The following IGF1R variants were observed in gnomAD, a reference collection of about 807,000 sequenced individuals.
IGF1R encodes the protein insulin like growth factor 1 receptor, also known as insulin-like growth factor 1 receptor.
Under a neutral mutation model 144.6 loss-of-function variants are expected in IGF1R, and 44 were observed. That is an observed-to-expected ratio of 0.30 (90% CI 0.24 to 0.39). The LOEUF (loss-of-function observed/expected upper bound fraction) is 0.39. IGF1R is among the 10% of genes least tolerant of loss of function. The pLI, the probability that IGF1R is intolerant of heterozygous loss-of-function variation, is 1.00. For missense variants in IGF1R, 1,355 were observed against 1,833.7 expected, an observed-to-expected ratio of 0.74 and a Z score of 4.77; for synonymous variants, 795 against 722.8, an observed-to-expected ratio of 1.10 and a Z score of -1.60.
chr15:98,810,861 C>T (rs185210571), intron 2 of IGF1R, among the ~76,000 whole-genome samples: 1 of 150,578 alleles, frequency 6.6e-6, no homozygotes, highest in East Asian at 2.0e-4. Flanking sequence ...AAATGATTTT[C>T]TTAAGTGTAA....
chr15:98,916,620 T>G, intron 9 of IGF1R, 52 bp from the exon 10 acceptor site: 1 of 1,459,230 alleles, frequency 6.9e-7, no homozygotes, highest in Non-Finnish European at 9.6e-7. Flanking sequence ...CTTACAAGCA[T>G]GTATAACGGC....
At chr15:98,916,259 TG>T in intron 9 of IGF1R, 128 bp downstream of exon 9, 5 of 778,566 alleles carry the variant, frequency 6.4e-6, no homozygotes, top group Non-Finnish European at 9.9e-6. Flanking sequence ...AGCTATCTTC[TG>T]GTTTTTTTTT....
chr15:98,958,008 C>T lies in IGF1R; in HGVS notation c.*566C>T, dbSNP rs149544474. 292 of 234,312 alleles carry T rather than the reference C, an allele frequency of 1.2e-3. No homozygotes were observed. The highest frequency in any genetic ancestry group is 5.8e-3 in the African/African-American group (262 of 45,466). The allele number at this position is 234,312 out of a possible 1,614,324, so 14.5% of individuals were successfully genotyped here. ...GCCATCGTTCATCCAAGGCTGTTACCATTTTAACGCTGCCTAATTTTGCCA... is the reference window on the plus strand; with the variant it reads ...GCCATCGTTCATCCAAGGCTGTTACTATTTTAACGCTGCCTAATTTTGCCA... On this transcript the variant is annotated 3_prime_UTR_variant, in exon 21 of 21. Transcript: ENST00000650285.
At chr15:98,679,699 G>A (rs1332653747) in intron 1 of IGF1R, among the ~76,000 whole-genome samples, 1 of 143,634 alleles carries the variant, frequency 7.0e-6, no homozygotes, top group African/African-American at 2.7e-5. Flanking sequence ...TTGTTAGAGT[G>A]TACTCCTTAT....
intron 2 of IGF1R, among the ~76,000 whole-genome samples, chr15:98,713,701 A>G (rs189007886): frequency 6.6e-6 from 1 of 152,224 alleles, no homozygotes; most frequent in East Asian, 1.9e-4. Flanking sequence ...GAATTTACCT[A>G]AGTGCCTGTT....
chr15:98,840,863 T>C (rs1163123116), intron 2 of IGF1R, among the ~76,000 whole-genome samples: 1 of 152,090 alleles, frequency 6.6e-6, no homozygotes, highest in Admixed American at 6.6e-5. Context: ...GTATTTTTAG[T>C]AGAGACGGGG....
intron 1 of IGF1R, among the ~76,000 whole-genome samples, chr15:98,652,216 C>G (rs145391781): frequency 6.6e-6 from 1 of 152,254 alleles, no homozygotes; most frequent in East Asian, 1.9e-4. Context: ...TAAATGAAGG[C>G]GGTTCGGAGG....
At position 98,963,524 on chromosome 15, in the gene IGF1R, G is replaced by A. The variant is rs1244225706; in HGVS notation, c.*6082G>A. On this transcript the variant is annotated 3_prime_UTR_variant, in exon 21 of 21. Coordinates refer to ENST00000650285, the MANE Select transcript of IGF1R (RefSeq NM_000875.5). Reference sequence around the variant, plus strand: ...AGCCGAGGTGTTGGAGCCCAGCAGTGCATGGCACCGTTCGGCATCTGGCTT... The same window carrying A: ...AGCCGAGGTGTTGGAGCCCAGCAGTACATGGCACCGTTCGGCATCTGGCTT... The A allele has an allele frequency of 8.6e-6, 2 of 233,180 alleles. No individual in the cohort carries two copies. The highest frequency in any genetic ancestry group is 1.7e-5 in the Non-Finnish European group (2 of 118,042). The allele number at this position is 233,180 out of a possible 1,614,324, so 14.4% of individuals were successfully genotyped here.
chr15:98,953,870 C>A (rs2016873687), intron 20 of IGF1R, among the ~76,000 whole-genome samples: 2 of 152,132 alleles, frequency 1.3e-5, no homozygotes. Context: ...TTGAGTGGGA[C>A]CCAGACAGAC....
chr15:98,916,214 G>T, intron 9 of IGF1R, 83 bp downstream of exon 9: 2 of 1,271,472 alleles, frequency 1.6e-6, no homozygotes, highest in Non-Finnish European at 2.3e-6. Context: ...AATATTACAC[G>T]TATCAGACAA....
chr15:98,785,060 C>T (rs1376735372), intron 2 of IGF1R, among the ~76,000 whole-genome samples: 2 of 152,174 alleles, frequency 1.3e-5, no homozygotes, highest in African/African-American at 4.8e-5. Context: ...AGGGAGCAAG[C>T]TGTTAAACAT....
At chr15:98,884,828 T>G (rs932433115) in intron 2 of IGF1R, among the ~76,000 whole-genome samples, 1 of 152,100 alleles carries the variant, frequency 6.6e-6, no homozygotes, top group Admixed American at 6.5e-5. Flanking sequence ...ATCATGTGCC[T>G]CCTGCTTAAA....
At chr15:98,918,348 ACT>A (rs917348384) in intron 10 of IGF1R, among the ~76,000 whole-genome samples, 3 of 151,266 alleles carry the variant, frequency 2.0e-5, no homozygotes, top group African/African-American at 7.3e-5. Context: ...TTCCACAGTG[ACT>A]CTGCTCTTAC....
chr15:98,899,722 A>G, intron 5 of IGF1R, 101 bp downstream of exon 5: 2 of 1,228,872 alleles, frequency 1.6e-6, no homozygotes, highest in Non-Finnish European at 2.4e-6. Context: ...GCCTTGTTAA[A>G]GAGAAGAAAG....
intron 2 of IGF1R, among the ~76,000 whole-genome samples, chr15:98,788,024 G>A (rs2141409012): frequency 6.8e-6 from 1 of 147,536 alleles, no homozygotes; most frequent in East Asian, 2.0e-4. Context: ...CGTTCCTATG[G>A]TGGGTAGGGA....
At chr15:98,880,417 G>A (rs141250643) in intron 2 of IGF1R, among the ~76,000 whole-genome samples, 16 of 152,246 alleles carry the variant, frequency 1.1e-4, no homozygotes, top group East Asian at 1.9e-4. Context: ...CCAGCGTTGC[G>A]TGTTGGTTCC....
At chr15:98,885,369 C>G (rs1000426527) in intron 2 of IGF1R, among the ~76,000 whole-genome samples, 4 of 152,198 alleles carry the variant, frequency 2.6e-5, no homozygotes, top group African/African-American at 7.2e-5. Context: ...TGTCAGTTCA[C>G]CTAGAGCCCC....
chr15:98,902,650 G>T (rs1458315483), intron 5 of IGF1R, among the ~76,000 whole-genome samples: 2 of 151,928 alleles, frequency 1.3e-5, no homozygotes, highest in East Asian at 3.9e-4. Flanking sequence ...TCCTGACCTT[G>T]TGATCCGCCC....
chr15:98,699,347 GGTGTCCT>G (rs1406375944), intron 1 of IGF1R, among the ~76,000 whole-genome samples: 1 of 152,146 alleles, frequency 6.6e-6, no homozygotes, highest in Non-Finnish European at 1.5e-5. Flanking sequence ...TCTATCTCCT[GGTGTCCT>G]GCTTCATCGA....
Sources: allele counts gnomAD v4.1 joint callset (sites outside exome capture counted in the v4.1 genomes callset), GRCh38; gene constraint gnomAD v4.1.1; transcripts MANE v1.5; gene names NCBI Gene and HGNC (gene_info 2026-07-23, HGNC 2026-07-21).